Variants in GRM5 observed in about 807,000 individuals in gnomAD.
GRM5 encodes glutamate metabotropic receptor 5, also known as metabotropic glutamate receptor 5.
Under a neutral mutation model 83.1 loss-of-function variants are expected in GRM5, and 19 were observed. The ratio of observed to expected loss-of-function variants is 0.23; its 90% CI spans 0.16 to 0.34. The LOEUF (loss-of-function observed/expected upper bound fraction) is 0.34, where lower values mean the gene tolerates loss of function less well. Ranked by LOEUF, GRM5 falls within the 10% of genes least tolerant of loss-of-function variation. GRM5 has a pLI of 1.00. For synonymous variants in GRM5, 675 were observed against 633.6 expected, an observed-to-expected ratio of 1.07 and a Z score of -0.98; for missense variants, 1,160 against 1,588.3, an observed-to-expected ratio of 0.73 and a Z score of 4.58.
chr11:88,978,137 T>C (rs1043291918), intron 2 of GRM5, among the ~76,000 whole-genome samples: 1 of 152,176 alleles, frequency 6.6e-6, no homozygotes, highest in Non-Finnish European at 1.5e-5. Flanking sequence ...AAGTCCTAGG[T>C]ATTTACTGTA....
Position 88,508,762 on chromosome 11 carries a change from G to A in GRM5, c.3469C>T (p.Leu1157=). 7 of 1,516,936 alleles carry A rather than the reference G, an allele frequency of 4.6e-6. No homozygotes were observed. The highest frequency in any genetic ancestry group is 6.1e-6 in the Non-Finnish European group (7 of 1,138,306). The allele number at this position is 1,516,936 out of a possible 1,614,324, so 94.0% of individuals were successfully genotyped here. The change falls in exon 10 of 10, where the codon CTG becomes TTG. Residue 1157 remains leucine (L), a synonymous_variant. Coordinates refer to ENST00000305447, the MANE Select transcript of GRM5 (RefSeq NM_001143831.3). The surrounding 1 kb of genome is among the most constrained non-coding windows in gnomAD (Gnocchi z 4.2). Reference sequence around the variant, plus strand: ...GGGGTGAGAGCCACCAGCTCCTCCAGGTCTGGCTTGGCGGCCGCAGCCTCG... The same window carrying A: ...GGGGTGAGAGCCACCAGCTCCTCCAAGTCTGGCTTGGCGGCCGCAGCCTCG... ...GPEAAAAKPD[L]EELVALTPPS... is the part of the protein sequence containing the mutation.
At chr11:88,967,701 C>G (rs1321339606) in intron 2 of GRM5, among the ~76,000 whole-genome samples, 2 of 152,030 alleles carry the variant, frequency 1.3e-5, no homozygotes, top group Non-Finnish European at 2.9e-5. Context: ...AGGGCATATT[C>G]AAGTCATAGC....
In GRM5 at chr11:88,506,217, T is replaced by C. The variant is rs1342685439; in HGVS notation, c.*2375A>G. On this transcript the variant is annotated 3_prime_UTR_variant, in exon 10 of 10. Coordinates refer to ENST00000305447, the MANE Select transcript of GRM5 (RefSeq NM_001143831.3). Reference sequence around the variant, plus strand: ...AAGTTTTTTATAAGGTAGTGTGCTTTTTAAGAGATATGTTACTAAAAAAAT... The same window carrying C: ...AAGTTTTTTATAAGGTAGTGTGCTTCTTAAGAGATATGTTACTAAAAAAAT... The C allele has an allele frequency of 6.6e-6, 1 of 152,170 alleles. No individual in the cohort carries two copies. The highest frequency in any genetic ancestry group is 1.9e-4 in the East Asian group (1 of 5,200). 9.4% of individuals were successfully genotyped at this position (152,170 alleles called of 1,614,324 possible).
At chr11:88,665,995 G>A (rs6416012) in intron 3 of GRM5, among the ~76,000 whole-genome samples, 151,374 of 152,276 alleles carry the variant, frequency 0.99, 75,247 homozygotes, top group East Asian at 1. Context: ...TTCTGGGCTA[G>A]TATTACATTT....
intron 2 of GRM5, among the ~76,000 whole-genome samples, chr11:88,885,656 C>A (rs922722983): frequency 2.6e-5 from 4 of 151,442 alleles, no homozygotes; most frequent in Admixed American, 1.3e-4. Flanking sequence ...ACCAAAGAGG[C>A]AATATGCAGT....
chr11:88,909,798 A>C (rs1945465452), intron 2 of GRM5, among the ~76,000 whole-genome samples: 1 of 152,042 alleles, frequency 6.6e-6, no homozygotes, highest in Non-Finnish European at 1.5e-5. Context: ...TTAATGCCCA[A>C]AGCTCTGGAA....
intron 2 of GRM5, among the ~76,000 whole-genome samples, chr11:88,884,454 T>A (rs1385673185): frequency 1.3e-5 from 2 of 152,188 alleles, no homozygotes; most frequent in East Asian, 3.9e-4. Context: ...GGAAGGAACA[T>A]GCCTTGTCTC....
chr11:88,549,427 CA>C (rs999887519), intron 8 of GRM5, among the ~76,000 whole-genome samples: 1 of 149,832 alleles, frequency 6.7e-6, no homozygotes, highest in African/African-American at 2.5e-5. Context: ...GTGACAGAGC[CA>C]CACCTTGTCT....
intron 2 of GRM5, among the ~76,000 whole-genome samples, chr11:88,890,277 T>A (rs1364015365): frequency 2.0e-5 from 3 of 152,094 alleles, no homozygotes. Flanking sequence ...AAATCTAGTA[T>A]AAAATGGCAC....
At chr11:89,056,162 A>T (rs1941869345) in intron 1 of GRM5, among the ~76,000 whole-genome samples, 1 of 152,182 alleles carries the variant, frequency 6.6e-6, no homozygotes, top group African/African-American at 2.4e-5. Context: ...TTTGTAGCAC[A>T]ATTATTTAAA....
At chr11:88,750,483 A>G (rs185059290) in intron 3 of GRM5, among the ~76,000 whole-genome samples, 1 of 152,320 alleles carries the variant, frequency 6.6e-6, no homozygotes, top group East Asian at 1.9e-4. Context: ...CCCACATAAT[A>G]ATAATGGGAA....
chr11:88,990,688 G>T lies in GRM5; in HGVS notation c.661+56524C>A, dbSNP rs556705421. Among the ~76,000 whole-genome samples the T allele has an allele frequency of 6.2e-4, 93 of 150,688 alleles. 1 individual carries two copies. The highest frequency in any genetic ancestry group is 6.1e-3 in the Admixed American group (92 of 15,090). On this transcript the variant is annotated intron_variant, in intron 2 of 9. Transcript: ENST00000305447. The stretch of plus-strand genomic sequence containing the variant: ...CATGATCAAGTGGGCTTCATCCCTG[G>T]GATGCAAGGCTGGTTCAATATACGC...
intron 2 of GRM5, among the ~76,000 whole-genome samples, chr11:88,869,550 T>C (rs1317836402): frequency 2.6e-5 from 4 of 151,414 alleles, no homozygotes; most frequent in African/African-American, 4.8e-5. Flanking sequence ...AAAAGTGTTA[T>C]AATAATTTAT....
intron 3 of GRM5, among the ~76,000 whole-genome samples, chr11:88,679,269 G>A (rs1469115204): frequency 6.6e-6 from 1 of 151,844 alleles, no homozygotes; most frequent in Non-Finnish European, 1.5e-5. Flanking sequence ...ATGGAGCTAT[G>A]GAATTTTCAG....
chr11:88,544,615 C>G (rs556042247), intron 8 of GRM5, among the ~76,000 whole-genome samples: 1 of 152,342 alleles, frequency 6.6e-6, no homozygotes, highest in East Asian at 1.9e-4. Context: ...TGGATCTGCA[C>G]TTGGCAATAC....
chr11:88,622,354 C>G (rs1339274860), intron 4 of GRM5, among the ~76,000 whole-genome samples: 1 of 152,210 alleles, frequency 6.6e-6, no homozygotes, highest in African/African-American at 2.4e-5. Flanking sequence ...GGGAGAATTT[C>G]AAACCCAGTT....
rs1942890846 is a variant in GRM5 at position 88,567,013 on chromosome 11, T to A, written c.2630+40A>T. On this transcript the variant is annotated intron_variant, in intron 8 of 9. Coordinates refer to ENST00000305447, the MANE Select transcript of GRM5 (RefSeq NM_001143831.3). The surrounding 1 kb of genome is among the most constrained non-coding windows in gnomAD (Gnocchi z 7.3). ...AGGAAACACATGCCTCTGCTCCAGT[T>A]TTAGGGGCCAGCATCCCTGTAAGCC... The A allele has an allele frequency of 5.3e-6, 7 of 1,329,844 alleles. No homozygotes were observed. Among genetic ancestry groups the A allele is most frequent in the Non-Finnish European group, 7.3e-6 (7 of 954,392 alleles). 82.4% of individuals were successfully genotyped at this position (1,329,844 alleles called of 1,614,324 possible). A position where few individuals can be genotyped will look rare whatever the true frequency, so the allele number is the denominator to read the frequency against.
chr11:88,754,488 T>C (rs1332455732), intron 3 of GRM5, among the ~76,000 whole-genome samples: 1 of 152,106 alleles, frequency 6.6e-6, no homozygotes, highest in Non-Finnish European at 1.5e-5. Flanking sequence ...ATTGACTCTA[T>C]CAATCAGGTG....
intron 8 of GRM5, among the ~76,000 whole-genome samples, chr11:88,564,493 C>T (rs1057487150): frequency 2.6e-5 from 4 of 152,016 alleles, no homozygotes; most frequent in South Asian, 2.1e-4. Flanking sequence ...ATCAGTGATC[C>T]GATTCTAGAG....
Sources: gnomAD v4.1 joint callset for allele counts (sites outside exome capture counted in the v4.1 genomes callset) on GRCh38, gnomAD v4.1.1 for gene constraint, Gnocchi (gnomAD v3.1) non-coding constraint, MANE v1.5 for transcripts, NCBI Gene and HGNC (gene_info 2026-07-23, HGNC 2026-07-21) for gene names.